The following SLC9A3 variants were observed in gnomAD, a reference collection of about 807,000 sequenced individuals.
SLC9A3 encodes the protein solute carrier family 9 member A3.
In SLC9A3, 37 loss-of-function variants were observed where a neutral mutation model predicts 86.8. The ratio of observed to expected loss-of-function variants is 0.43; its 90% CI spans 0.33 to 0.56. SLC9A3 has a LOEUF of 0.56. SLC9A3 is among the 20% of genes least tolerant of loss of function. The pLI, the probability that SLC9A3 is intolerant of heterozygous loss-of-function variation, is 0.06. For missense variants in SLC9A3, 1,011 were observed against 1,171.9 expected (o/e 0.86, Z 2.00); for synonymous variants, 581 against 528.3 (o/e 1.10, Z -1.37).
At chr5:492,998 C>T (rs1344786128) in intron 1 of SLC9A3, among the ~76,000 whole-genome samples, 1 of 152,230 alleles carries the variant, frequency 6.6e-6, no homozygotes, top group South Asian at 2.1e-4. Flanking sequence ...TGGAGCTTCA[C>T]CCCGTCCCCC....
At position 475,684 on chromosome 5, in the gene SLC9A3, G is replaced by A. The variant is rs541220590; in HGVS notation, c.2141-13C>T. The A allele has an allele frequency of 1.4e-5, 20 of 1,477,920 alleles. No homozygotes were observed. The highest frequency in any genetic ancestry group is 1.7e-4 in the Middle Eastern group (1 of 5,864). The allele number at this position is 1,477,920 out of a possible 1,614,324, so 91.6% of individuals were successfully genotyped here. ...GAAAGTTCCAAGTCTGGGGAAGACAGGTTGGGGTGAGGACTGGGGTCACTG... is the reference window on the plus strand; with the variant it reads ...GAAAGTTCCAAGTCTGGGGAAGACAAGTTGGGGTGAGGACTGGGGTCACTG... On this transcript the variant is annotated splice_polypyrimidine_tract_variant and intron_variant, in intron 14 of 16. Transcript: ENST00000264938.
chr5:473,367 T>C lies in SLC9A3; in HGVS notation c.*12A>G. On this transcript the variant is annotated 3_prime_UTR_variant, in exon 17 of 17. Transcript: ENST00000264938. ...GGACGAGCGGCCGGTTAGCGGCGTG[T>C]CGGAGCCGGTGTCACCTGCGGGAGA... is the stretch of plus-strand genomic sequence containing the variant. The C allele has an allele frequency of 7.1e-7, 1 of 1,417,938 alleles. No individual in the cohort carries two copies. The allele number at this position is 1,417,938 out of a possible 1,614,324, so 87.8% of individuals were successfully genotyped here.
intron 9 of SLC9A3, 73 bp from the exon 10 acceptor site, chr5:480,038 C>T: frequency 2.0e-6 from 3 of 1,531,718 alleles, no homozygotes; most frequent in Non-Finnish European, 2.7e-6. Context: ...GTGGCCCGGC[C>T]CCTTCTCTCC....
chr5:510,116 G>A (rs1740813419), intron 1 of SLC9A3, among the ~76,000 whole-genome samples: 1 of 152,260 alleles, frequency 6.6e-6, no homozygotes, highest in African/African-American at 2.4e-5. Context: ...GAGGATCCGT[G>A]GGTGCTTGGG....
chr5:477,492 A>G, intron 10 of SLC9A3, 48 bp from the exon 11 acceptor site: 9 of 1,377,286 alleles, frequency 6.5e-6, no homozygotes, highest in Non-Finnish European at 9.1e-6. Context: ...GCCAAGCCCT[A>G]GCTGCTGCCA....
rs762753848 is a variant in SLC9A3 at position 476,105 on chromosome 5, C to G, written c.2068-13G>C. ...TGCTGCTGTTTCTCTGCGGAGCAAA[C>G]GTGAAGCTGCTCACACCCCGACACA... On this transcript the variant is annotated splice_polypyrimidine_tract_variant and intron_variant, in intron 13 of 16. Transcript: ENST00000264938. The G allele has an allele frequency of 6.2e-7, 1 of 1,613,132 alleles. No individual in the cohort carries two copies. The highest frequency in any genetic ancestry group is 8.5e-7 in the Non-Finnish European group (1 of 1,179,680).
intron 1 of SLC9A3, among the ~76,000 whole-genome samples, chr5:495,156 C>T (rs138648076): frequency 2.9e-4 from 44 of 152,174 alleles, no homozygotes; most frequent in Middle Eastern, 3.4e-3. Context: ...AGCTCCTGGA[C>T]GCCCTCACCC....
chr5:473,280 C>T lies in SLC9A3; in HGVS notation c.*99G>A, dbSNP rs1235531081. ...GCTCGGGGCTCGCGGTCGCTGTAGC[C>T]GCGCGGGGATCTGGGGTTTCTCTGG... On this transcript the variant is annotated 3_prime_UTR_variant, in exon 17 of 17. Coordinates refer to ENST00000264938, the MANE Select transcript of SLC9A3 (RefSeq NM_004174.4). 39 of 1,239,710 alleles carry T rather than the reference C, an allele frequency of 3.1e-5. No homozygotes were observed. The highest frequency in any genetic ancestry group is 6.4e-5 in the East Asian group (2 of 31,018). 76.8% of individuals were successfully genotyped at this position (1,239,710 alleles called of 1,614,324 possible). A position where few individuals can be genotyped will look rare whatever the true frequency, so the allele number is the denominator to read the frequency against.
At chr5:513,376 G>A (rs755633634) in intron 1 of SLC9A3, among the ~76,000 whole-genome samples, 10 of 152,168 alleles carry the variant, frequency 6.6e-5, no homozygotes, top group Non-Finnish European at 1.0e-4. Context: ...CCGCTGTGCC[G>A]GGACGCAGGT....
At chr5:490,389 A>G (rs1739679102) in intron 2 of SLC9A3, among the ~76,000 whole-genome samples, 2 of 152,112 alleles carry the variant, frequency 1.3e-5, no homozygotes, top group South Asian at 4.1e-4. Flanking sequence ...GGAGTCCTCC[A>G]GGGCTTCATG....
At position 475,689 on chromosome 5, in the gene SLC9A3, G is replaced by A. The variant is rs370461749; in HGVS notation, c.2141-18C>T. 163 of 1,423,912 alleles carry A rather than the reference G, an allele frequency of 1.1e-4. No individual in the cohort carries two copies. In the African/African-American group the frequency reaches 2.1e-3, roughly 18 times the overall value. The allele number at this position is 1,423,912 out of a possible 1,614,324, so 88.2% of individuals were successfully genotyped here. On this transcript the variant is annotated intron_variant, in intron 14 of 16. Coordinates refer to ENST00000264938, the MANE Select transcript of SLC9A3 (RefSeq NM_004174.4). ...TTCCAAGTCTGGGGAAGACAGGTTGGGGTGAGGACTGGGGTCACTGGGGGG... is the reference window on the plus strand; with the variant it reads ...TTCCAAGTCTGGGGAAGACAGGTTGAGGTGAGGACTGGGGTCACTGGGGGG...
At position 524,393 on chromosome 5, in the gene SLC9A3, G is replaced by A. The variant is rs1400680453; in HGVS notation, c.-71C>T. 4.7e-6 allele frequency: 3 copies of A among 633,070 alleles called. No individual in the cohort carries two copies. The highest frequency in any genetic ancestry group is 1.9e-5 in the African/African-American group (1 of 51,348). 39.2% of individuals were successfully genotyped at this position (633,070 alleles called of 1,614,324 possible). A position where few individuals can be genotyped will look rare whatever the true frequency, so the allele number is the denominator to read the frequency against. The stretch of plus-strand genomic sequence containing the variant: ...TCCCGGCTGGGCTGGGCCGACGCGC[G>A]GGGCTGGGACCCGGCGAGGACCCGG... On this transcript the variant is annotated 5_prime_UTR_variant, in exon 1 of 17. Coordinates refer to ENST00000264938, the MANE Select transcript of SLC9A3 (RefSeq NM_004174.4).
intron 10 of SLC9A3, chr5:477,707 T>C: frequency 2.3e-6 from 1 of 435,736 alleles, no homozygotes; most frequent in Non-Finnish European, 4.1e-6. Flanking sequence ...GAGGACACAG[T>C]GGTCTGAGTG....
intron 1 of SLC9A3, among the ~76,000 whole-genome samples, chr5:492,459 AG>A (rs1739824864): frequency 1.5e-5 from 1 of 66,454 alleles, no homozygotes; most frequent in Non-Finnish European, 3.1e-5. Context: ...CCCTCGGGGG[AG>A]GGGAGGGAGG....
intron 4 of SLC9A3, among the ~76,000 whole-genome samples, 185 bp from the exon 5 acceptor site, chr5:484,882 C>T (rs1739392857): frequency 6.6e-6 from 1 of 152,224 alleles, no homozygotes; most frequent in Non-Finnish European, 1.5e-5. Context: ...CCCTCCCGTG[C>T]CCCTGGGAGC....
At chr5:482,036 GC>G (rs11385633) in intron 8 of SLC9A3, 31 bp downstream of exon 8, 129,158 of 327,078 alleles carry the variant, frequency 0.39, 26,871 homozygotes, top group Admixed American at 0.44. Flanking sequence ...AACACGCAGT[GC>G]CCCCCCCCCG....
intron 3 of SLC9A3, among the ~76,000 whole-genome samples, chr5:485,716 G>A (rs569143566): frequency 6.6e-6 from 1 of 152,384 alleles, no homozygotes; most frequent in African/African-American, 2.4e-5. Context: ...AGGTGAGACC[G>A]GCCGAGGGCC....
intron 4 of SLC9A3, 46 bp from the exon 5 acceptor site, chr5:484,743 T>C: frequency 6.3e-7 from 1 of 1,581,502 alleles, no homozygotes; most frequent in Non-Finnish European, 8.7e-7. Flanking sequence ...TTCCGGGCCC[T>C]TCCTTGCCAG....
Position 481,582 on chromosome 5 carries a change from G to A in SLC9A3, c.1500C>T (p.His500=). Residue 500 remains histidine (H), a synonymous_variant, in exon 9 of 17, where the codon CAC becomes CAT. Transcript: ENST00000264938. The stretch of plus-strand genomic sequence containing the variant: ...CCACTTACTTGTCTCTGAGATAATT[G>A]TGCCCGATCTGTCCGGATATGTCCT... ...AIEDISGQIG[H]NYLRDKWSHF... The A allele has an allele frequency of 6.2e-7, 1 of 1,613,934 alleles. No individual in the cohort carries two copies. The highest frequency in any genetic ancestry group is 8.5e-7 in the Non-Finnish European group (1 of 1,179,876).
Sources: gnomAD v4.1 joint callset for allele counts (sites outside exome capture counted in the v4.1 genomes callset) on GRCh38, gnomAD v4.1.1 for gene constraint, MANE v1.5 for transcripts, NCBI Gene and HGNC (gene_info 2026-07-23, HGNC 2026-07-21) for gene names.